Variants in PTPRD observed in about 807,000 individuals in gnomAD.
PTPRD encodes protein tyrosine phosphatase receptor type D.
PTPRD carries 34 observed loss-of-function variants against 214.5 expected under a neutral mutation model. The ratio of observed to expected loss-of-function variants is 0.16; its 90% confidence interval spans 0.12 to 0.21. PTPRD has a LOEUF of 0.21. PTPRD is among the 10% of genes least tolerant of loss of function. PTPRD has a pLI of 1.00. For synonymous variants in PTPRD, 1,128 were observed against 845.7 expected (o/e 1.33, Z -5.79); for missense variants, 2,545 against 2,398.7 (o/e 1.06, Z -1.27).
intron 11 of PTPRD, among the ~76,000 whole-genome samples, chr9:8,782,252 C>T (rs913858384): frequency 3.3e-5 from 5 of 151,926 alleles, no homozygotes; most frequent in Non-Finnish European, 7.4e-5. Context: ...ATATCTATGC[C>T]TCACTTTTTG....
intron 4 of PTPRD, among the ~76,000 whole-genome samples, chr9:10,011,864 A>C (rs2096607035): frequency 6.6e-6 from 1 of 151,950 alleles, no homozygotes; most frequent in African/African-American, 2.4e-5. Context: ...CAGTACCCTC[A>C]GTTTTGGAGG....
intron 14 of PTPRD, among the ~76,000 whole-genome samples, chr9:8,612,020 G>T (rs527735589): frequency 6.6e-6 from 1 of 151,524 alleles, no homozygotes; most frequent in African/African-American, 2.4e-5. Context: ...AAGAGAGCAG[G>T]AATAGCATTC....
intron 5 of PTPRD, among the ~76,000 whole-genome samples, chr9:9,845,721 A>T (rs2059403361): frequency 6.6e-6 from 1 of 152,102 alleles, no homozygotes; most frequent in African/African-American, 2.4e-5. Flanking sequence ...AGAGGACGTG[A>T]AATCAATCAT....
rs34125624 is a variant in PTPRD at position 9,618,071 on chromosome 9, C to CAAAAA, written c.-286-43295_-286-43291dup. 7.3e-3 allele frequency among the ~76,000 whole-genome samples: 169 copies of CAAAAA among 23,044 alleles called. 14 individuals are homozygous for CAAAAA. The highest frequency in any genetic ancestry group is 0.014 in the African/African-American group (98 of 6,836). The allele number at this position is 23,044 out of a possible 152,430, so 15.1% of individuals were successfully genotyped here. On this transcript the variant is annotated intron_variant, in intron 7 of 45. Transcript: ENST00000381196. ...TGGGCGACAGAGCGAGACTCCATCT[C>CAAAAA]AAAAAAAAAAAAAAAAAAAAAAAAA...
Position 8,528,646 on chromosome 9 carries a change from A to G in PTPRD, c.486T>C (p.Asp162=). ...TGTTGCTTGTGTCCACAGGTAAGAAATCTTTAAACCAAGTGATTTCTGGAT... is the reference window on the plus strand; with the variant it reads ...TGTTGCTTGTGTCCACAGGTAAGAAGTCTTTAAACCAAGTGATTTCTGGAT... ...NPDPEITWFK[D]FLPVDTSNNN... Residue 162 remains aspartate (D), a synonymous_variant, in exon 15 of 46, where the codon GAT becomes GAC. Transcript: ENST00000381196. 2 of 1,613,752 alleles carry G rather than the reference A, an allele frequency of 1.2e-6. No homozygotes were observed. Among genetic ancestry groups the G allele is most frequent in the Non-Finnish European group, 1.7e-6 (2 of 1,179,762 alleles).
At chr9:8,373,868 ATCTAT>A (rs2082355518) in intron 39 of PTPRD, among the ~76,000 whole-genome samples, 1 of 78,570 alleles carries the variant, frequency 1.3e-5, no homozygotes, top group Non-Finnish European at 3.1e-5. Flanking sequence ...CTGTCTGTCT[ATCTAT>A]CTATCTATCT....
intron 11 of PTPRD, among the ~76,000 whole-genome samples, chr9:8,929,502 C>T (rs909328066): frequency 7.9e-5 from 12 of 151,670 alleles, no homozygotes; most frequent in Non-Finnish European, 1.0e-4. Flanking sequence ...TATTGATTTG[C>T]GTATGTTGAA....
intron 8 of PTPRD, among the ~76,000 whole-genome samples, chr9:9,479,753 A>AAACAAAACAC (rs2095318507): frequency 6.6e-6 from 1 of 151,982 alleles, no homozygotes; most frequent in African/African-American, 2.4e-5. Flanking sequence ...AAACAAAACA[A>AAACAAAACAC]AACAAAAAAC....
At chr9:10,208,446 G>A (rs1160443071) in intron 3 of PTPRD, among the ~76,000 whole-genome samples, 18 of 152,298 alleles carry the variant, frequency 1.2e-4, no homozygotes, top group South Asian at 4.1e-4. Context: ...CCCGGGAGGC[G>A]GAGCTTGCAG....
At chr9:10,292,264 T>A (rs1361791686) in intron 3 of PTPRD, among the ~76,000 whole-genome samples, 2 of 152,058 alleles carry the variant, frequency 1.3e-5, no homozygotes, top group Non-Finnish European at 2.9e-5. Context: ...ATCCTTCAGC[T>A]CCGCCTTCAA....
intron 11 of PTPRD, among the ~76,000 whole-genome samples, chr9:8,820,859 C>A (rs191009565): frequency 8.2e-4 from 122 of 149,554 alleles, no homozygotes; most frequent in Non-Finnish European, 1.0e-3. Context: ...GGTGAAAGTT[C>A]TTTTCTACTC....
chr9:9,043,883 GAC>G (rs1309768647), intron 10 of PTPRD, among the ~76,000 whole-genome samples: 1 of 149,648 alleles, frequency 6.7e-6, no homozygotes, highest in Non-Finnish European at 1.5e-5. Flanking sequence ...CAGCCTGGGT[GAC>G]AGAGTGAGAC....
At chr9:10,111,485 G>T (rs941571903) in intron 3 of PTPRD, among the ~76,000 whole-genome samples, 1 of 151,758 alleles carries the variant, frequency 6.6e-6, no homozygotes, top group Admixed American at 6.6e-5. Flanking sequence ...TGATCCGCCC[G>T]CCTCGGCCTC....
intron 10 of PTPRD, among the ~76,000 whole-genome samples, chr9:9,058,700 C>T (rs980996061): frequency 3.3e-5 from 5 of 151,756 alleles, no homozygotes; most frequent in East Asian, 2.0e-4. Context: ...CCGCCCGCCT[C>T]GGCCTCCCAA....
chr9:8,468,258 C>A (rs1274933380), intron 31 of PTPRD, among the ~76,000 whole-genome samples: 1 of 151,970 alleles, frequency 6.6e-6, no homozygotes, highest in Non-Finnish European at 1.5e-5. Flanking sequence ...TTAAATGGTT[C>A]AAATGGGCTC....
At chr9:8,846,894 G>C (rs891250388) in intron 11 of PTPRD, among the ~76,000 whole-genome samples, 1 of 152,168 alleles carries the variant, frequency 6.6e-6, no homozygotes, top group Non-Finnish European at 1.5e-5. Flanking sequence ...AGCAAGGAAT[G>C]ACGTGATCAG....
chr9:8,523,523 C>T lies in PTPRD; in HGVS notation c.681G>A (p.Glu227=). The change falls in exon 19 of 46, where the codon GAG becomes GAA. Residue 227 remains glutamate, a splice_region_variant and synonymous_variant. Coordinates refer to ENST00000381196, the MANE Select transcript of PTPRD (RefSeq NM_002839.4). ...AAAAAACACACCAACCTTCTCGCAG[C>T]TCTGAGGGATGTAGGGGGTTTGATG... ...YSAPANLYVR[E]LREVRRVPPR... is the part of the protein sequence containing the mutation. 1.2e-6 allele frequency: 2 copies of T among 1,613,136 alleles called. No individual in the cohort carries two copies. The highest frequency in any genetic ancestry group is 1.7e-6 in the Non-Finnish European group (2 of 1,179,484).
At chr9:9,083,780 C>T (rs554525078) in intron 10 of PTPRD, among the ~76,000 whole-genome samples, 19 of 152,154 alleles carry the variant, frequency 1.2e-4, no homozygotes, top group African/African-American at 4.3e-4. Flanking sequence ...GACATTTATG[C>T]AGCCAAAAAA....
At chr9:8,376,210 C>G in intron 38 of PTPRD, 120 bp from the exon 39 acceptor site, 2 of 1,167,196 alleles carry the variant, frequency 1.7e-6, no homozygotes, top group Admixed American at 2.7e-5. Context: ...CACCCTGTAG[C>G]CTTTGGGAAG....
Sources: gnomAD v4.1 joint callset for allele counts (sites outside exome capture counted in the v4.1 genomes callset) on GRCh38, gnomAD v4.1.1 for gene constraint, MANE v1.5 for transcripts, NCBI Gene and HGNC (gene_info 2026-07-23, HGNC 2026-07-21) for gene names.